Variants in UNC5C observed in about 807,000 individuals in gnomAD.
The protein encoded by UNC5C is netrin receptor UNC5C.
Under a neutral mutation model 99.8 loss-of-function variants are expected in UNC5C, and 47 were observed. The observed-to-expected ratio is 0.47, with a 90% CI of 0.37 to 0.60. UNC5C has a LOEUF of 0.60. UNC5C is among the 20% of genes least tolerant of loss of function. UNC5C has a pLI of 0.00. For synonymous variants in UNC5C, 487 were observed against 452.2 expected, an observed-to-expected ratio of 1.08 and a Z score of -0.98; for missense variants, 1,062 against 1,165.9, an observed-to-expected ratio of 0.91 and a Z score of 1.30.
Position 95,390,611 on chromosome 4 carries a change from T to C in UNC5C, c.125-54980A>G, listed in dbSNP as rs12645975. Among the ~76,000 whole-genome samples, 8,111 of 152,238 alleles carry C rather than the reference T, an allele frequency of 0.053. 985 individuals are homozygous for C. The East Asian group carries it at 0.55, about 10-fold the overall frequency. On this transcript the variant is annotated intron_variant, in intron 1 of 15. Coordinates refer to ENST00000453304, the MANE Select transcript of UNC5C (RefSeq NM_003728.4). ...TGGAGTCAGAGAGGCTTGGGGTCTC[T>C]ACAAACTTTTAGTTCTAAAGTTGGT...
chr4:95,245,531 G>A (rs191296741), intron 5 of UNC5C, among the ~76,000 whole-genome samples: 2 of 152,184 alleles, frequency 1.3e-5, no homozygotes, highest in Non-Finnish European at 2.9e-5. Context: ...TCAATCTATA[G>A]CATGGGAACA....
chr4:95,245,979 C>T (rs1471746579), intron 5 of UNC5C, among the ~76,000 whole-genome samples: 1 of 152,160 alleles, frequency 6.6e-6, no homozygotes, highest in Non-Finnish European at 1.5e-5. Context: ...GCATCTGTTT[C>T]CTGATACTAA....
intron 1 of UNC5C, among the ~76,000 whole-genome samples, chr4:95,364,139 A>G (rs895332218): frequency 1.3e-5 from 2 of 152,130 alleles, no homozygotes; most frequent in Non-Finnish European, 2.9e-5. Flanking sequence ...CCTGGACTGC[A>G]TTTCAAAAAT....
At chr4:95,235,606 T>C (rs1038887001) in intron 7 of UNC5C, among the ~76,000 whole-genome samples, 2 of 152,248 alleles carry the variant, frequency 1.3e-5, no homozygotes, top group African/African-American at 4.8e-5. Context: ...CTAGGGTTTT[T>C]ATGGTTTTAG....
chr4:95,482,720 G>A (rs1721199024), intron 1 of UNC5C, among the ~76,000 whole-genome samples: 2 of 122,988 alleles, frequency 1.6e-5, no homozygotes, highest in African/African-American at 6.5e-5. Flanking sequence ...GGACATGGAT[G>A]AAATTGGAAA....
intron 12 of UNC5C, among the ~76,000 whole-genome samples, chr4:95,194,372 C>T (rs1023201551): frequency 6.6e-6 from 1 of 152,064 alleles, no homozygotes; most frequent in Non-Finnish European, 1.5e-5. Context: ...AAGAAATCAC[C>T]ACTAACATAG....
At chr4:95,321,712 T>G (rs1227584266) in intron 2 of UNC5C, among the ~76,000 whole-genome samples, 2 of 152,244 alleles carry the variant, frequency 1.3e-5, no homozygotes, top group Non-Finnish European at 2.9e-5. Context: ...ATCTATTTAT[T>G]GCACAGATAT....
intron 12 of UNC5C, among the ~76,000 whole-genome samples, chr4:95,196,511 C>T (rs565579602): frequency 6.6e-6 from 1 of 151,840 alleles, no homozygotes; most frequent in East Asian, 1.9e-4. Context: ...GTAGTCACTG[C>T]CAACATGCTA....
intron 1 of UNC5C, among the ~76,000 whole-genome samples, chr4:95,543,200 C>A (rs1722960447): frequency 1.3e-5 from 2 of 151,964 alleles, no homozygotes; most frequent in Non-Finnish European, 2.9e-5. Flanking sequence ...TTTAAGAAAT[C>A]AGGTTAAAAA....
chr4:95,368,544 G>A (rs923012343), intron 1 of UNC5C, among the ~76,000 whole-genome samples: 2 of 152,096 alleles, frequency 1.3e-5, no homozygotes, highest in African/African-American at 4.8e-5. Context: ...ATTAAACCCT[G>A]TGACTTTTTC....
intron 7 of UNC5C, among the ~76,000 whole-genome samples, chr4:95,235,326 G>A (rs1451828873): frequency 6.6e-6 from 1 of 151,978 alleles, no homozygotes; most frequent in Non-Finnish European, 1.5e-5. Flanking sequence ...AAGCATATAG[G>A]GTTGTTTGTT....
intron 1 of UNC5C, among the ~76,000 whole-genome samples, chr4:95,459,547 A>G (rs1304539976): frequency 6.6e-6 from 1 of 152,218 alleles, no homozygotes; most frequent in Non-Finnish European, 1.5e-5. Context: ...GATGGAAAAA[A>G]TGCAATCAAT....
chr4:95,297,698 G>A (rs1741710087), intron 3 of UNC5C, among the ~76,000 whole-genome samples: 1 of 152,212 alleles, frequency 6.6e-6, no homozygotes. Flanking sequence ...AGAAATCCTT[G>A]ATAAGGCTTA....
intron 1 of UNC5C, among the ~76,000 whole-genome samples, chr4:95,352,536 A>G (rs976073856): frequency 3.3e-5 from 5 of 152,112 alleles, no homozygotes; most frequent in Admixed American, 6.6e-5. Flanking sequence ...TTTCCCTTCC[A>G]ATAAAACTCC....
intron 1 of UNC5C, among the ~76,000 whole-genome samples, chr4:95,460,690 C>T (rs1747575519): frequency 6.6e-6 from 1 of 152,180 alleles, no homozygotes; most frequent in Non-Finnish European, 1.5e-5. Flanking sequence ...TCATAAATTA[C>T]CCAGTCTCAG....
At position 95,326,753 on chromosome 4, in the gene UNC5C, T is replaced by A. The variant is rs1274097913; in HGVS notation, c.346+8657A>T. 2.0e-5 allele frequency among the ~76,000 whole-genome samples: 3 copies of A among 152,198 alleles called. No individual in the cohort carries two copies. The East Asian group carries it at 5.8e-4, about 29-fold the overall frequency. On this transcript the variant is annotated intron_variant, in intron 2 of 15. Transcript: ENST00000453304. ...TCAGTGAGTAGAAATAATTATTTGC[T>A]TCCTATTTAATGATTTCATAATTTA...
chr4:95,485,222 GAACTA>G (rs1376154912), intron 1 of UNC5C, among the ~76,000 whole-genome samples: 4 of 151,724 alleles, frequency 2.6e-5, no homozygotes, highest in Non-Finnish European at 5.9e-5. Flanking sequence ...TAAACTCACT[GAACTA>G]AACTGCCTTG....
At chr4:95,438,142 T>C (rs568199445) in intron 1 of UNC5C, among the ~76,000 whole-genome samples, 1 of 152,200 alleles carries the variant, frequency 6.6e-6, no homozygotes, top group African/African-American at 2.4e-5. Flanking sequence ...AATTTGTTGT[T>C]TGCTGTTGCT....
chr4:95,502,500 TGGC>T (rs1330205067), intron 1 of UNC5C, among the ~76,000 whole-genome samples: 1 of 152,136 alleles, frequency 6.6e-6, no homozygotes, highest in African/African-American at 2.4e-5. Flanking sequence ...TTTAAACTCC[TGGC>T]TTCAAGCCGG....
Sources: gnomAD v4.1 joint callset for allele counts (sites outside exome capture counted in the v4.1 genomes callset) on GRCh38, gnomAD v4.1.1 for gene constraint, MANE v1.5 for transcripts, NCBI Gene and HGNC (gene_info 2026-07-23, HGNC 2026-07-21) for gene names.